DMD: variants seen among roughly 807,000 people sequenced by gnomAD.
DMD encodes mutant dystrophin.
In DMD, 63 loss-of-function variants were observed where a neutral mutation model predicts 330.1. The observed-to-expected ratio is 0.19, with a 90% CI of 0.16 to 0.24. DMD has a LOEUF of 0.24. Ranked by LOEUF, DMD falls within the 10% of genes least tolerant of loss-of-function variation. DMD has a pLI of 1.00. For synonymous variants in DMD, 1,223 were observed against 959.8 expected, an observed-to-expected ratio of 1.27 and a Z score of -5.07; for missense variants, 3,344 against 2,684.1, an observed-to-expected ratio of 1.25 and a Z score of -5.43.
In DMD at chrX:31,812,796, T is replaced by C. The variant is rs180832658; in HGVS notation, c.7309+7179A>G. ...CTGTCACTGACTAGCTCTGTAACCTTGGACAAATTATTTAACCTTTCTGAC... is the reference window on the plus strand; with the variant it reads ...CTGTCACTGACTAGCTCTGTAACCTCGGACAAATTATTTAACCTTTCTGAC... On this transcript the variant is annotated intron_variant, in intron 50 of 78. Coordinates refer to ENST00000357033, the MANE Select transcript of DMD (RefSeq NM_004006.3). 2.9e-3 allele frequency among the ~76,000 whole-genome samples: 324 copies of C among 111,803 alleles called. 1 individual carries two copies. The highest frequency in any genetic ancestry group is 0.01 in the African/African-American group (310 of 30,790).
At chrX:32,226,017 A>T (rs2097146546) in intron 43 of DMD, among the ~76,000 whole-genome samples, 1 of 111,880 alleles carries the variant, frequency 8.9e-6, no homozygotes, top group Admixed American at 9.5e-5. Flanking sequence ...CTTCTTTCTT[A>T]TCATGCTTGT....
intron 18 of DMD, among the ~76,000 whole-genome samples, chrX:32,512,699 C>T (rs1209152690): frequency 8.9e-6 from 1 of 112,457 alleles, no homozygotes; most frequent in Non-Finnish European, 1.9e-5. Flanking sequence ...CAACACTCTT[C>T]AGACAAAGAC....
In DMD at chrX:31,169,627, G is replaced by GT. The variant is rs757657920; in HGVS notation, c.10395-27dup. On this transcript the variant is annotated intron_variant, in intron 73 of 78. Transcript: ENST00000357033. ...CTGGAAAATAAAATCAAAGGTTTTG[G>GT]TTTTTTCCCCCCCTTATTTTGCTTT... 4 of 1,175,574 alleles carry GT rather than the reference G, an allele frequency of 3.4e-6. No individual in the cohort carries two copies. The African/African-American group carries it at 5.3e-5, about 16-fold the overall frequency.
chrX:32,880,357 A>G (rs1473558227), intron 2 of DMD, among the ~76,000 whole-genome samples: 1 of 109,850 alleles, frequency 9.1e-6, no homozygotes, highest in Non-Finnish European at 1.9e-5. Context: ...AAGATGTTTA[A>G]TCAATGTTTG....
At chrX:32,874,265 C>CA (rs1234694609) in intron 2 of DMD, among the ~76,000 whole-genome samples, 2 of 112,086 alleles carry the variant, frequency 1.8e-5, no homozygotes, top group African/African-American at 3.2e-5. Flanking sequence ...TTCATTTTTA[C>CA]AGAGAGCCAA....
At chrX:31,208,103 T>C (rs1360390721) in intron 65 of DMD, among the ~76,000 whole-genome samples, 2 of 111,861 alleles carry the variant, frequency 1.8e-5, no homozygotes, top group African/African-American at 6.5e-5. Flanking sequence ...GGAGAAAATA[T>C]TTCAGAATAA....
At chrX:33,279,397 T>C (rs1441836600) in intron 1 of DMD, among the ~76,000 whole-genome samples, 1 of 110,898 alleles carries the variant, frequency 9.0e-6, no homozygotes, top group African/African-American at 3.3e-5. Flanking sequence ...TATCCAATAG[T>C]TAATTCCTTT....
chrX:33,113,912 G>A (rs2095360882), intron 1 of DMD, among the ~76,000 whole-genome samples: 1 of 110,227 alleles, frequency 9.1e-6, no homozygotes. Flanking sequence ...TGAATAATTC[G>A]TCAATAGTGA....
intron 58 of DMD, 74 bp downstream of exon 58, chrX:31,478,909 G>T (rs1053741879): frequency 9.6e-5 from 107 of 1,110,587 alleles, no homozygotes; most frequent in Non-Finnish European, 1.3e-4. Context: ...GACCCTGGCA[G>T]CAAGAATGGA....
chrX:32,147,235 T>A (rs1021530539), intron 44 of DMD, among the ~76,000 whole-genome samples: 1 of 111,473 alleles, frequency 9.0e-6, no homozygotes, highest in African/African-American at 3.3e-5. Context: ...GCAAGTGACC[T>A]AAGTGATCCT....
chrX:31,555,702 G>A (rs2074766897), intron 55 of DMD, among the ~76,000 whole-genome samples: 1 of 111,742 alleles, frequency 8.9e-6, no homozygotes, highest in Non-Finnish European at 1.9e-5. Flanking sequence ...CTCCCTTGTT[G>A]GGAAGTCAAC....
intron 43 of DMD, among the ~76,000 whole-genome samples, chrX:32,285,013 TA>T (rs2097434517): frequency 8.9e-6 from 1 of 111,876 alleles, no homozygotes; most frequent in Non-Finnish European, 1.9e-5. Flanking sequence ...AAGGTGAAGG[TA>T]AACTGAAAGG....
chrX:32,968,641 A>T (rs1055843416), intron 2 of DMD, among the ~76,000 whole-genome samples: 2 of 111,053 alleles, frequency 1.8e-5, no homozygotes, highest in Admixed American at 1.9e-4. Flanking sequence ...CTAACTCCCA[A>T]AGTGATAGTA....
At chrX:32,122,940 T>C (rs2096643214) in intron 44 of DMD, among the ~76,000 whole-genome samples, 1 of 109,197 alleles carries the variant, frequency 9.2e-6, no homozygotes, top group Non-Finnish European at 1.9e-5. Context: ...TTAGCCAGAC[T>C]TCACCCCTTA....
chrX:31,271,646 G>T (rs893492132), intron 62 of DMD, among the ~76,000 whole-genome samples: 1 of 111,611 alleles, frequency 9.0e-6, no homozygotes, highest in Non-Finnish European at 1.9e-5. Flanking sequence ...AGTATAACCT[G>T]CATCACTTTA....
chrX:33,233,746 C>T lies in DMD; in HGVS notation c.7+105513G>A, dbSNP rs112409837. Among the ~76,000 whole-genome samples the T allele has an allele frequency of 1.0e-2, 1,109 of 110,918 alleles. 17 individuals carry two copies. Among genetic ancestry groups the T allele is most frequent in the African/African-American group, 0.035 (1,060 of 30,485 alleles). On this transcript the variant is annotated intron_variant, in intron 1 of 17. Transcript: ENST00000288447. The stretch of plus-strand genomic sequence containing the variant: ...CGTATTTTGACTGTCGTGGTGGACG[C>T]ACTAATCTACATGTGTAAAAATTGC...
chrX:31,184,095 G>C (rs922645789), intron 67 of DMD, among the ~76,000 whole-genome samples: 2 of 110,741 alleles, frequency 1.8e-5, no homozygotes, highest in Non-Finnish European at 3.8e-5. Context: ...TTTTAGTAGA[G>C]ATGGGGTTTC....
At chrX:32,414,201 G>A (rs2098157057) in intron 29 of DMD, among the ~76,000 whole-genome samples, 1 of 111,200 alleles carries the variant, frequency 9.0e-6, no homozygotes, top group Non-Finnish European at 1.9e-5. Context: ...TCTCAATTCT[G>A]ACTTCCTTTT....
chrX:31,339,271 G>T (rs935465332), intron 61 of DMD, among the ~76,000 whole-genome samples: 3 of 111,815 alleles, frequency 2.7e-5, no homozygotes, highest in Non-Finnish European at 5.6e-5. Flanking sequence ...ATACATTTGA[G>T]CTAAAGGAGA....
Sources: gnomAD v4.1 joint callset for allele counts (sites outside exome capture counted in the v4.1 genomes callset) on GRCh38, gnomAD v4.1.1 for gene constraint, MANE v1.5 for transcripts, NCBI Gene and HGNC (gene_info 2026-07-23, HGNC 2026-07-21) for gene names.